Variants in HNRNPL observed in about 807,000 individuals in gnomAD.
HNRNPL encodes the protein heterogeneous nuclear ribonucleoprotein L, also known as epididymis secretory sperm binding protein.
A neutral mutation model predicts 64.0 loss-of-function variants in HNRNPL; 12 were observed. That is an observed-to-expected ratio of 0.19 (90% CI 0.12 to 0.30). The LOEUF is 0.30. Ranked by LOEUF, HNRNPL falls within the 10% of genes least tolerant of loss-of-function variation. The pLI is 1.00. For missense variants in HNRNPL, 484 were observed against 797.4 expected (o/e 0.61, Z 4.73); for synonymous variants, 385 against 313.0 (o/e 1.23, Z -2.43).
chr19:38,839,118 G>A, intron 8 of HNRNPL, 103 bp from the exon 9 acceptor site: 2 of 1,417,774 alleles, frequency 1.4e-6, no homozygotes. Flanking sequence ...GGCCTCCCAT[G>A]TCCTCACAGT....
chr19:38,851,357 G>A (rs538030297), upstream of HNRNPL, among the ~76,000 whole-genome samples: 1 of 152,398 alleles, frequency 6.6e-6, no homozygotes, highest in African/African-American at 2.4e-5. Context: ...CGCGCAGGCA[G>A]CGGGGTCAAA....
intron 1 of HNRNPL, chr19:38,849,389 G>C (rs531694419): frequency 3.1e-6 from 1 of 321,192 alleles, no homozygotes; most frequent in African/African-American, 2.2e-5. Context: ...TGATAAAGGG[G>C]AAAAAAACCG....
At chr19:38,847,067 T>C (rs1972322180) in intron 2 of HNRNPL, among the ~76,000 whole-genome samples, 1 of 152,100 alleles carries the variant, frequency 6.6e-6, no homozygotes, top group Non-Finnish European at 1.5e-5. Flanking sequence ...AAGCGAGACC[T>C]TGCTCTGTCT....
intron 6 of HNRNPL, chr19:38,841,167 C>T (rs189602974): frequency 1.7e-3 from 418 of 240,600 alleles, no homozygotes; most frequent in Non-Finnish European, 2.8e-3. Context: ...TACAAGGCAT[C>T]GACATTCCCA....
chr19:38,845,636 C>G lies in HNRNPL; in HGVS notation c.710+14G>C, dbSNP rs747967075. ...CCCTACCCTAAGGAACACCTGTTTTCCAGCAAAGGATATTCCACCATCGCC... is the reference window on the plus strand; with the variant it reads ...CCCTACCCTAAGGAACACCTGTTTTGCAGCAAAGGATATTCCACCATCGCC... On this transcript the variant is annotated intron_variant, in intron 4 of 12. Transcript: ENST00000221419. The G allele has an allele frequency of 2.5e-6, 4 of 1,605,056 alleles. No homozygotes were observed. The Admixed American group carries it at 6.7e-5, about 27-fold the overall frequency.
In HNRNPL at chr19:38,836,626, G is replaced by C; in HGVS notation, c.*96C>G. The C allele has an allele frequency of 3.4e-6, 1 of 291,206 alleles. No homozygotes were observed. The allele number at this position is 291,206 out of a possible 1,614,324, so 18.0% of individuals were successfully genotyped here. On this transcript the variant is annotated 3_prime_UTR_variant, in exon 13 of 13. Coordinates refer to ENST00000221419, the MANE Select transcript of HNRNPL (RefSeq NM_001533.3). ...AAAAAAAAAAAAAAAAAAAAAAAAGGAATACAAGATCTTTTGCAAATAACA... is the reference window on the plus strand; with the variant it reads ...AAAAAAAAAAAAAAAAAAAAAAAAGCAATACAAGATCTTTTGCAAATAACA...
rs1347190969 is a variant in HNRNPL, at chr19:38,849,480, T to C, written c.267+220A>G. Reference sequence around the variant, plus strand: ...CATTCGCCTCACGAGCTACTTCCTCTGCGCTCCCCCACACCCCGCTCCGGA... The same window carrying C: ...CATTCGCCTCACGAGCTACTTCCTCCGCGCTCCCCCACACCCCGCTCCGGA... On this transcript the variant is annotated intron_variant, in intron 1 of 12. Transcript: ENST00000221419. 9 of 547,312 alleles carry C rather than the reference T, an allele frequency of 1.6e-5. No homozygotes were observed. The South Asian group carries it at 6.9e-4, about 42-fold the overall frequency. 33.9% of individuals were successfully genotyped at this position (547,312 alleles called of 1,614,324 possible). A position where few individuals can be genotyped will look rare whatever the true frequency, so the allele number is the denominator to read the frequency against.
At chr19:38,841,829 G>A (rs1040808211) in intron 6 of HNRNPL, 1 of 399,522 alleles carries the variant, frequency 2.5e-6, no homozygotes, top group African/African-American at 2.1e-5. Flanking sequence ...TCAGAAAAGT[G>A]GAAATAAAGG....
At chr19:38,839,751 G>T (rs73930211) in intron 8 of HNRNPL, 11,491 of 246,744 alleles carry the variant, frequency 0.047, 891 homozygotes, top group African/African-American at 0.18. Context: ...CAGAAGGCCC[G>T]GTGTTGCCAG....
intron 9 of HNRNPL, 131 bp from the exon 10 acceptor site, chr19:38,838,729 C>T (rs2145408970): frequency 1.5e-6 from 2 of 1,306,244 alleles, no homozygotes; most frequent in East Asian, 2.3e-5. Context: ...GCAAGGCTGA[C>T]TCACTTTCTC....
chr19:38,839,998 GC>G, intron 8 of HNRNPL, 97 bp downstream of exon 8: 1 of 1,193,170 alleles, frequency 8.4e-7, no homozygotes. Context: ...GCGTCTGCCC[GC>G]CCAGCGCCAC....
intron 6 of HNRNPL, chr19:38,843,352 CAG>C (rs887131097): frequency 2.9e-5 from 5 of 169,864 alleles, no homozygotes; most frequent in Non-Finnish European, 5.2e-5. Context: ...TGGTCCAATC[CAG>C]AGTGTCTCAC....
At chr19:38,837,132 A>C in intron 12 of HNRNPL, 1 of 568,744 alleles carries the variant, frequency 1.8e-6, no homozygotes, top group Non-Finnish European at 3.1e-6. Context: ...CAAAGAAGAG[A>C]ATGCCACCTC....
rs1301691930 is a variant in HNRNPL at position 38,849,929 on chromosome 19, C to T, written c.38G>A (p.Arg13His). 2.9e-5 allele frequency: 39 copies of T among 1,352,190 alleles called. No individual in the cohort carries two copies. The highest frequency in any genetic ancestry group is 3.7e-5 in the Non-Finnish European group (37 of 1,013,110). 83.8% of individuals were successfully genotyped at this position (1,352,190 alleles called of 1,614,324 possible). A position where few individuals can be genotyped will look rare whatever the true frequency, so the allele number is the denominator to read the frequency against. Reference sequence around the variant, plus strand: ...CTGCTGCCTCTGCTCCAGCCGCCGACGCCGCTTCTCCGCCCGGGGCAGCAG... The same window carrying T: ...CTGCTGCCTCTGCTCCAGCCGCCGATGCCGCTTCTCCGCCCGGGGCAGCAG... The part of the protein sequence containing the change: ...RRLLPRAEKR[R>H]RRLEQRQQPD... The change falls in exon 1 of 13, where the codon CGT (arginine) becomes CAT (histidine). Residue 13 changes from arginine to histidine, a missense_variant. By Grantham distance (29) the Arg-to-His change is conservative. Transcript: ENST00000221419.
intron 2 of HNRNPL, 42 bp downstream of exon 2, chr19:38,847,274 G>T: frequency 9.8e-7 from 1 of 1,023,614 alleles, no homozygotes; most frequent in Non-Finnish European, 1.4e-6. Flanking sequence ...ACACCCAGGA[G>T]TCAACTTTGG....
At chr19:38,840,849 C>T (rs1254948959) in intron 6 of HNRNPL, 6 of 449,694 alleles carry the variant, frequency 1.3e-5, no homozygotes, top group Non-Finnish European at 2.3e-5. Context: ...GGAGAAAGCC[C>T]AGCTCCCAGG....
chr19:38,840,087 G>A lies in HNRNPL; in HGVS notation c.1233+9C>T, dbSNP rs1250545534. ...AGCGAGGAACCCAGGGGGCCCGGCA[G>A]CAGCTCACCTTCTCCACATTGCCAT... On this transcript the variant is annotated intron_variant, in intron 8 of 12. Transcript: ENST00000221419. 6.2e-7 allele frequency: 1 copy of A among 1,613,052 alleles called. No homozygotes were observed. The highest frequency in any genetic ancestry group is 8.5e-7 in the Non-Finnish European group (1 of 1,179,742).
chr19:38,848,839 T>C (rs1972394418), intron 1 of HNRNPL, among the ~76,000 whole-genome samples: 1 of 152,204 alleles, frequency 6.6e-6, no homozygotes, highest in Non-Finnish European at 1.5e-5. Context: ...CTTTAAAATG[T>C]GTGGGACAAG....
chr19:38,850,801 A>G (rs1455719254), upstream of HNRNPL, among the ~76,000 whole-genome samples: 1 of 152,192 alleles, frequency 6.6e-6, no homozygotes, highest in Non-Finnish European at 1.5e-5. Context: ...CCTCAGTAGA[A>G]AACCACTCGC....
Sources: allele counts gnomAD v4.1 joint callset (sites outside exome capture counted in the v4.1 genomes callset), GRCh38; gene constraint gnomAD v4.1.1; transcripts MANE v1.5; gene names NCBI Gene and HGNC (gene_info 2026-07-23, HGNC 2026-07-21).